The following MYO5B variants were observed in gnomAD, a reference collection of about 807,000 sequenced individuals.
MYO5B encodes the protein myosin VB.
In MYO5B, 143 loss-of-function variants were observed where a neutral mutation model predicts 229.3. That is an observed-to-expected ratio of 0.62 (90% CI 0.54 to 0.72). The LOEUF is 0.72. Ranked by LOEUF, MYO5B falls within the 30% of genes least tolerant of loss-of-function variation. The pLI, the probability that MYO5B is intolerant of heterozygous loss-of-function variation, is 0.00. For synonymous variants in MYO5B, 918 were observed against 885.2 expected (o/e 1.04, Z -0.66); for missense variants, 2,321 against 2,331.0 (o/e 1.00, Z 0.09).
At chr18:50,131,809 CCTCT>C (rs1306567385) in intron 1 of MYO5B, among the ~76,000 whole-genome samples, 3 of 152,062 alleles carry the variant, frequency 2.0e-5, no homozygotes, top group African/African-American at 7.2e-5. Flanking sequence ...AACCACCTCC[CCTCT>C]ATTATTTGTA....
intron 1 of MYO5B, among the ~76,000 whole-genome samples, chr18:50,107,630 C>A (rs2031786094): frequency 6.6e-6 from 1 of 152,182 alleles, no homozygotes; most frequent in African/African-American, 2.4e-5. Flanking sequence ...AGAAACCAGC[C>A]TTGTGATTCC....
chr18:50,004,739 A>G (rs1411616465), intron 4 of MYO5B, among the ~76,000 whole-genome samples: 1 of 152,198 alleles, frequency 6.6e-6, no homozygotes, highest in African/African-American at 2.4e-5. Flanking sequence ...ACTGGGCAAC[A>G]GAGCAAGATC....
At chr18:50,100,761 T>G (rs1225052456) in intron 1 of MYO5B, among the ~76,000 whole-genome samples, 1 of 152,172 alleles carries the variant, frequency 6.6e-6, no homozygotes, top group African/African-American at 2.4e-5. Context: ...CTGGGCTCTT[T>G]CTCTGCTCTC....
chr18:50,078,724 C>G (rs2031146213), intron 1 of MYO5B, among the ~76,000 whole-genome samples: 1 of 152,164 alleles, frequency 6.6e-6, no homozygotes, highest in Non-Finnish European at 1.5e-5. Flanking sequence ...CATGACATAG[C>G]AATTCTCCTC....
chr18:49,835,604 C>T (rs1302571852), intron 38 of MYO5B, among the ~76,000 whole-genome samples, 180 bp from the exon 39 acceptor site: 4 of 152,210 alleles, frequency 2.6e-5, no homozygotes, highest in African/African-American at 9.6e-5. Flanking sequence ...CTAGAGCCCA[C>T]AGCTTTGTCA....
At chr18:49,865,274 G>A (rs866315211) in intron 27 of MYO5B, among the ~76,000 whole-genome samples, 1 of 152,146 alleles carries the variant, frequency 6.6e-6, no homozygotes. Context: ...TTTAGAGACT[G>A]ACCCAGGACA....
In MYO5B at chr18:49,904,678, G is replaced by A. The variant is rs2024879300; in HGVS notation, c.2565C>T (p.Tyr855=). ...CCTCAGAGTGGCTACTCACCTGGCG[G>A]TAGGTTCTCCGCACAAACATGGCCC... ...FTRAMFVRRT[Y]RQVLMEHKAT... The change falls in exon 20 of 40, where the codon TAC becomes TAT. Residue 855 remains tyrosine (Y), a synonymous_variant. Coordinates refer to ENST00000285039, the MANE Select transcript of MYO5B (RefSeq NM_001080467.3). 1 of 1,613,606 alleles carries A rather than the reference G, an allele frequency of 6.2e-7. No individual in the cohort carries two copies. Among genetic ancestry groups the A allele is most frequent in the Admixed American group, 1.7e-5 (1 of 60,006 alleles).
At chr18:50,118,093 A>G (rs1182431958) in intron 1 of MYO5B, among the ~76,000 whole-genome samples, 1 of 152,178 alleles carries the variant, frequency 6.6e-6, no homozygotes, top group Non-Finnish European at 1.5e-5. Context: ...ACTCAATGCA[A>G]TCAAGCAAAT....
intron 1 of MYO5B, among the ~76,000 whole-genome samples, chr18:50,160,891 A>G (rs2032755352): frequency 6.6e-6 from 1 of 152,138 alleles, no homozygotes; most frequent in Non-Finnish European, 1.5e-5. Context: ...CTCAGCCACC[A>G]GCAGCCCATT....
Position 49,864,301 on chromosome 18 carries a change from G to A in MYO5B, c.3683C>T (p.Thr1228Met), listed in dbSNP as rs1183569079. 7.4e-6 allele frequency: 12 copies of A among 1,614,186 alleles called. No homozygotes were observed. Among genetic ancestry groups the A allele is most frequent in the Non-Finnish European group, 1.0e-5 (12 of 1,180,044 alleles). ...GGAGCCGTGGCTGGAGTTATTCTGCGTGGCTTGGTCGGCCACGGCTTTCCT... is the reference window on the plus strand; with the variant it reads ...GGAGCCGTGGCTGGAGTTATTCTGCATGGCTTGGTCGGCCACGGCTTTCCT... Reference protein sequence around the residue: ...ELRKAVADQATQNNSSHGSPD... With the variant: ...ELRKAVADQAMQNNSSHGSPD... Residue 1228 changes from threonine (T) to methionine (M), a missense_variant, in exon 28 of 40, where the codon ACG becomes ATG. Around this residue, in one of 2 missense-constraint regions of MYO5B, gnomAD observed 2,113 missense variants for 2,044.7 expected, o/e 1.03. Coordinates refer to ENST00000285039, the MANE Select transcript of MYO5B (RefSeq NM_001080467.3).
At chr18:49,939,064 G>C (rs1351661452) in intron 14 of MYO5B, among the ~76,000 whole-genome samples, 3 of 151,962 alleles carry the variant, frequency 2.0e-5, no homozygotes, top group Admixed American at 6.6e-5. Flanking sequence ...ATGTAGAAAA[G>C]TGTCCAGCAT....
At chr18:50,066,761 C>T (rs532085445) in intron 1 of MYO5B, among the ~76,000 whole-genome samples, 16 of 152,166 alleles carry the variant, frequency 1.1e-4, no homozygotes, top group Non-Finnish European at 1.0e-4. Context: ...AAGTTGCCTC[C>T]GATTTCCATC....
intron 31 of MYO5B, among the ~76,000 whole-genome samples, chr18:49,851,746 G>GA (rs1359016545): frequency 2.6e-5 from 4 of 152,164 alleles, no homozygotes; most frequent in Admixed American, 6.5e-5. Flanking sequence ...CTCCCTGTGA[G>GA]ACTGCCAAGC....
chr18:50,149,510 G>C lies in MYO5B; in HGVS notation c.27+45257C>G, dbSNP rs571985511. Among the ~76,000 whole-genome samples, 34 of 151,934 alleles carry C rather than the reference G, an allele frequency of 2.2e-4. 1 individual carries two copies. In the South Asian group the frequency reaches 7.1e-3, roughly 32 times the overall value. On this transcript the variant is annotated intron_variant, in intron 1 of 39. Coordinates refer to ENST00000285039, the MANE Select transcript of MYO5B (RefSeq NM_001080467.3). Reference sequence around the variant, plus strand: ...AGATATAGATCAATGGAACAGAACAGAGCCCTCAGAAATAATGCCACATAT... The same window carrying C: ...AGATATAGATCAATGGAACAGAACACAGCCCTCAGAAATAATGCCACATAT...
At chr18:49,868,950 T>C (rs1327439462) in intron 27 of MYO5B, among the ~76,000 whole-genome samples, 1 of 152,188 alleles carries the variant, frequency 6.6e-6, no homozygotes, top group Non-Finnish European at 1.5e-5. Context: ...AAAATTCTGG[T>C]AAAAGGGTTT....
chr18:49,992,609 T>C (rs1046384216), intron 5 of MYO5B, among the ~76,000 whole-genome samples, 178 bp from the exon 6 acceptor site: 3 of 152,214 alleles, frequency 2.0e-5, no homozygotes, highest in African/African-American at 7.2e-5. Flanking sequence ...CTCTTCTTTT[T>C]CCAGCCTCTT....
chr18:49,889,359 A>G (rs1033708098), intron 22 of MYO5B, among the ~76,000 whole-genome samples: 5 of 152,232 alleles, frequency 3.3e-5, no homozygotes, highest in Non-Finnish European at 2.9e-5. Context: ...CTAGACATAC[A>G]AGTAAAATCA....
At position 49,853,694 on chromosome 18, in the gene MYO5B, C is replaced by G. The variant is rs367567137; in HGVS notation, c.4023-47G>C. 6.4e-5 allele frequency: 100 copies of G among 1,574,216 alleles called. 1 individual carries two copies. The African/African-American group carries it at 1.3e-3, about 20-fold the overall frequency. On this transcript the variant is annotated intron_variant, in intron 30 of 39. Coordinates refer to ENST00000285039, the MANE Select transcript of MYO5B (RefSeq NM_001080467.3). ...TGAGCACGTGGCCCAGGCCAGGGCC[C>G]CCATCTGAGGGGACACAGGCAGAAA... is the stretch of plus-strand genomic sequence containing the variant.
At chr18:50,177,534 A>C (rs553232541) in intron 1 of MYO5B, among the ~76,000 whole-genome samples, 1 of 152,336 alleles carries the variant, frequency 6.6e-6, no homozygotes, top group South Asian at 2.1e-4. Flanking sequence ...CCACCCATCC[A>C]ATCAGGCTGT....
Sources: allele counts gnomAD v4.1 joint callset (sites outside exome capture counted in the v4.1 genomes callset), GRCh38; gene constraint gnomAD v4.1.1; regional missense constraint gnomAD v4.1.1; transcripts MANE v1.5; gene names NCBI Gene and HGNC (gene_info 2026-07-23, HGNC 2026-07-21).